DPP6: variants seen among roughly 807,000 people sequenced by gnomAD.
DPP6 encodes A-type potassium channel modulatory protein DPP6.
Under a neutral mutation model 122.6 loss-of-function variants are expected in DPP6, and 69 were observed. The ratio of observed to expected loss-of-function variants is 0.56; its 90% CI spans 0.46 to 0.69. The LOEUF is 0.69. Ranked by LOEUF, DPP6 falls within the 30% of genes least tolerant of loss-of-function variation. DPP6 has a pLI of 0.00. For synonymous variants in DPP6, 418 were observed against 433.1 expected (o/e 0.97, Z 0.43); for missense variants, 928 against 1,116.9 (o/e 0.83, Z 2.41).
intron 1 of DPP6, among the ~76,000 whole-genome samples, chr7:154,394,651 C>T (rs1814927390): frequency 6.6e-6 from 1 of 152,080 alleles, no homozygotes; most frequent in South Asian, 2.1e-4. Flanking sequence ...AAATCAATGC[C>T]AAGAAATCAT....
intron 1 of DPP6, among the ~76,000 whole-genome samples, chr7:154,216,277 G>A (rs1054818821): frequency 5.3e-5 from 8 of 152,182 alleles, no homozygotes; most frequent in East Asian, 1.9e-4. Flanking sequence ...CCCAGAGACT[G>A]TCTGCCACAG....
intron 6 of DPP6, among the ~76,000 whole-genome samples, chr7:154,651,635 G>C (rs1364951437): frequency 1.3e-5 from 2 of 152,166 alleles, no homozygotes; most frequent in Non-Finnish European, 2.9e-5. Flanking sequence ...ATCGGCTGCT[G>C]GTTCTAAAAT....
chr7:154,841,459 G>GTC (rs1481772676), intron 16 of DPP6, among the ~76,000 whole-genome samples: 3 of 151,948 alleles, frequency 2.0e-5, no homozygotes, highest in African/African-American at 7.3e-5. Flanking sequence ...ACCTGAAAAC[G>GTC]TCACTCCAAG....
rs960213761 is a variant in DPP6 at position 154,241,041 on chromosome 7, G to A, written c.243+187978G>A. On this transcript the variant is annotated intron_variant, in intron 1 of 25. Transcript: ENST00000377770. This position sits in a 1 kb window ranked among gnomAD's most constrained non-coding sequence, Gnocchi z 9.0. ...GCCAGCTCATTCTCAGTCATTATGT[G>A]ATTTGTTGGAATATTGTGAAGTTCC... is the stretch of plus-strand genomic sequence containing the variant. Among the ~76,000 whole-genome samples the A allele has an allele frequency of 6.6e-6, 1 of 152,152 alleles. No homozygotes were observed. Among genetic ancestry groups the A allele is most frequent in the Non-Finnish European group, 1.5e-5 (1 of 68,034 alleles).
chr7:154,535,166 A>T (rs1241623432), intron 3 of DPP6, among the ~76,000 whole-genome samples: 1 of 152,174 alleles, frequency 6.6e-6, no homozygotes, highest in African/African-American at 2.4e-5. Flanking sequence ...CGAGTTATGT[A>T]TCTGAAAAGA....
chr7:154,683,872 T>A (rs111559648), intron 7 of DPP6, among the ~76,000 whole-genome samples: 13,059 of 152,186 alleles, frequency 0.086, 773 homozygotes, highest in African/African-American at 0.16. Flanking sequence ...ACTCTTTTTT[T>A]AAAAAATGTT....
At chr7:154,381,618 A>G (rs535356610) in intron 1 of DPP6, among the ~76,000 whole-genome samples, 1 of 152,272 alleles carries the variant, frequency 6.6e-6, no homozygotes, top group South Asian at 2.1e-4. Flanking sequence ...GCTGCTTGTT[A>G]CTGGTTTAGG....
At chr7:154,195,177 A>AT (rs1798803096) in intron 1 of DPP6, among the ~76,000 whole-genome samples, 1 of 152,148 alleles carries the variant, frequency 6.6e-6, no homozygotes, top group African/African-American at 2.4e-5. Context: ...GTTGAAGTTC[A>AT]TTTTTTCTGC....
At chr7:154,332,153 C>T (rs1157580694) in intron 1 of DPP6, among the ~76,000 whole-genome samples, 6 of 151,690 alleles carry the variant, frequency 4.0e-5, no homozygotes, top group African/African-American at 1.5e-4. Flanking sequence ...CTCACTGCAA[C>T]CTCCGTCTCC....
At chr7:153,757,728 T>G in the DPP6 span, among the ~76,000 whole-genome samples, 2 of 152,094 alleles carry the variant, frequency 1.3e-5, no homozygotes, top group Admixed American at 6.5e-5. Flanking sequence ...GAGGCCGAGG[T>G]AGGTGGATCA....
In DPP6 at chr7:154,166,633, C is replaced by T. The variant is rs541852029; in HGVS notation, c.243+113570C>T. 5.7e-4 allele frequency among the ~76,000 whole-genome samples: 81 copies of T among 142,784 alleles called. 3 individuals are homozygous for T. The highest frequency in any genetic ancestry group is 1.1e-3 in the Non-Finnish European group (72 of 67,288). 93.7% of individuals were successfully genotyped at this position (142,784 alleles called of 152,430 possible). A position where few individuals can be genotyped will look rare whatever the true frequency, so the allele number is the denominator to read the frequency against. ...ACGTTTAGAAAAGTTTTCATATGGC[C>T]GGGCTCAGTGGCTCATGCTGTAATC... On this transcript the variant is annotated intron_variant, in intron 1 of 25. Transcript: ENST00000377770.
intron 1 of DPP6, among the ~76,000 whole-genome samples, chr7:154,386,081 T>G (rs543460872): frequency 1.3e-5 from 2 of 152,206 alleles, no homozygotes; most frequent in African/African-American, 2.4e-5. Flanking sequence ...GATTCCTCTT[T>G]CCATTTCTGT....
chr7:153,787,604 A>T, the DPP6 span, among the ~76,000 whole-genome samples: 1 of 140,654 alleles, frequency 7.1e-6, no homozygotes, highest in African/African-American at 2.6e-5. Context: ...TGCCTCTACA[A>T]AAATAAAAAA....
intron 16 of DPP6, among the ~76,000 whole-genome samples, chr7:154,835,672 G>C (rs529224603): frequency 6.6e-6 from 1 of 152,152 alleles, no homozygotes; most frequent in African/African-American, 2.4e-5. Context: ...GTGCCCACCC[G>C]TGTCCACTTT....
At chr7:154,333,081 C>T (rs140830520) in intron 1 of DPP6, among the ~76,000 whole-genome samples, 36 of 152,270 alleles carry the variant, frequency 2.4e-4, no homozygotes, top group Non-Finnish European at 3.7e-4. Flanking sequence ...TATGCCTCCA[C>T]GTCGTGATAG....
intron 3 of DPP6, among the ~76,000 whole-genome samples, chr7:154,539,194 A>G (rs940306288): frequency 6.6e-6 from 1 of 152,092 alleles, no homozygotes; most frequent in African/African-American, 2.4e-5. Context: ...CCTTCTCCCC[A>G]CTGTGGGCCC....
intron 8 of DPP6, among the ~76,000 whole-genome samples, 177 bp from the exon 9 acceptor site, chr7:154,769,240 A>G (rs1796089961): frequency 1.3e-5 from 2 of 152,144 alleles, no homozygotes; most frequent in Non-Finnish European, 1.5e-5. Context: ...ACATTTCTTG[A>G]GCCCCCATGG....
At chr7:154,406,344 C>T (rs1816086615) in intron 1 of DPP6, among the ~76,000 whole-genome samples, 1 of 152,098 alleles carries the variant, frequency 6.6e-6, no homozygotes, top group Non-Finnish European at 1.5e-5. Context: ...TAAATTATTT[C>T]ATAATAATTT....
intron 7 of DPP6, among the ~76,000 whole-genome samples, chr7:154,708,305 C>G (rs1276769596): frequency 6.6e-6 from 1 of 152,182 alleles, no homozygotes. Context: ...CCAGCAGTCT[C>G]TTCATGTAAT....
Sources: allele counts gnomAD v4.1 joint callset (sites outside exome capture counted in the v4.1 genomes callset), GRCh38; gene constraint gnomAD v4.1.1; non-coding constraint Gnocchi (gnomAD v3.1); transcripts MANE v1.5; gene names NCBI Gene and HGNC (gene_info 2026-07-23, HGNC 2026-07-21).